Variants in MYH11 observed in about 807,000 individuals in gnomAD.
The protein encoded by MYH11 is myosin-11.
MYH11 carries 80 observed loss-of-function variants against 246.6 expected under a neutral mutation model. The ratio of observed to expected loss-of-function variants is 0.32; its 90% CI spans 0.27 to 0.39. The LOEUF (loss-of-function observed/expected upper bound fraction) is 0.39. Ranked by LOEUF, MYH11 falls within the 10% of genes least tolerant of loss-of-function variation. MYH11 has a pLI of 1.00. For missense variants in MYH11, 2,158 were observed against 2,546.8 expected (o/e 0.85, Z 3.29); for synonymous variants, 1,071 against 1,015.5 (o/e 1.05, Z -1.04).
At chr16:15,717,866 T>G (rs1431842251) in intron 37 of MYH11, 1 of 262,700 alleles carries the variant, frequency 3.8e-6, no homozygotes, top group Non-Finnish European at 7.4e-6. Context: ...TTGCTTTCTC[T>G]GTCCTGGAGT....
chr16:15,757,967 T>C lies in MYH11; in HGVS notation c.1435A>G (p.Thr479Ala). The change falls in exon 13 of 41, where the codon ACC (threonine) becomes GCC (alanine). Residue 479 changes from threonine (T) to alanine (A), a missense_variant. Coordinates refer to ENST00000300036, the MANE Select transcript of MYH11 (RefSeq NM_002474.3). Reference sequence around the variant, plus strand: ...AAGAGCTGCTGCAGCTTCTCGTTGGTGTAGTTGATGCACAGCTGCTCGAAG... The same window carrying C: ...AAGAGCTGCTGCAGCTTCTCGTTGGCGTAGTTGATGCACAGCTGCTCGAAG... The part of the protein sequence containing the change: ...NSFEQLCINY[T>A]NEKLQQLFNH... 1.2e-6 allele frequency: 2 copies of C among 1,614,120 alleles called. No homozygotes were observed. The highest frequency in any genetic ancestry group is 1.7e-6 in the Non-Finnish European group (2 of 1,180,026).
rs4781689 is a variant in MYH11, at chr16:15,771,615, G to C, written c.987C>G (p.Thr329=). 1 of 1,613,574 alleles carries C rather than the reference G, an allele frequency of 6.2e-7. No individual in the cohort carries two copies. The highest frequency in any genetic ancestry group is 1.3e-5 in the African/African-American group (1 of 74,806). The change falls in exon 9 of 41, where the codon ACC becomes ACG. Residue 329 remains threonine, a synonymous_variant. Coordinates refer to ENST00000300036, the MANE Select transcript of MYH11 (RefSeq NM_002474.3). ...AAQDDEMFQE[T]VEAMAIMGFS... ...AACCCATGATTGCCATGGCCTCCAC[G>C]GTTTCCTGGAACATCTCATCATCCT...
At chr16:15,721,694 G>C in intron 31 of MYH11, 60 bp from the exon 32 acceptor site, 1 of 1,568,242 alleles carries the variant, frequency 6.4e-7, no homozygotes, top group Admixed American at 1.7e-5. Context: ...TCACTGAATT[G>C]TAAATACCGG....
intron 15 of MYH11, among the ~76,000 whole-genome samples, chr16:15,752,083 T>A (rs539702574): frequency 6.6e-6 from 1 of 152,004 alleles, no homozygotes; most frequent in Admixed American, 6.6e-5. Context: ...TGAGCCACCA[T>A]GCGCAGCCTC....
chr16:15,739,131 ACT>A (rs2041202443), intron 23 of MYH11, among the ~76,000 whole-genome samples: 1 of 147,898 alleles, frequency 6.8e-6, no homozygotes, highest in African/African-American at 2.5e-5. Context: ...ACAGAGTCTC[ACT>A]CTGTCGCCCA....
intron 2 of MYH11, among the ~76,000 whole-genome samples, chr16:15,834,535 A>C (rs2043838709): frequency 6.9e-6 from 1 of 144,400 alleles, no homozygotes; most frequent in Non-Finnish European, 1.5e-5. Flanking sequence ...TCAAAAAAAA[A>C]AAAAAGAAGA....
chr16:15,743,444 C>T (rs187162308), intron 20 of MYH11, among the ~76,000 whole-genome samples: 7 of 152,336 alleles, frequency 4.6e-5, no homozygotes, highest in Non-Finnish European at 8.8e-5. Flanking sequence ...GCTGGGATTA[C>T]AGGCATGAGC....
chr16:15,738,609 G>C lies in MYH11; in HGVS notation c.3077C>G (p.Thr1026Ser). 1 of 1,614,022 alleles carries C rather than the reference G, an allele frequency of 6.2e-7. No homozygotes were observed. Among genetic ancestry groups the C allele is most frequent in the Non-Finnish European group, 8.5e-7 (1 of 1,179,978 alleles). ...AGATTCATGCTTGTTTTTCAGCTTG[G>C]TAAGATTCTTGGCCTTTTCTTCCTC... ...AEEEEKAKNL[T>S]KLKNKHESMI... Residue 1026 changes from threonine to serine, a missense_variant, in exon 24 of 41, where the codon ACC becomes AGC. By Grantham distance (58) the Thr-to-Ser change is moderately conservative. Around this residue, in one of 11 missense-constraint regions of MYH11, gnomAD observed 284 missense variants for 315.4 expected, o/e 0.90. Coordinates refer to ENST00000300036, the MANE Select transcript of MYH11 (RefSeq NM_002474.3).
intron 2 of MYH11, among the ~76,000 whole-genome samples, chr16:15,835,408 T>G (rs1472632028): frequency 1.3e-5 from 2 of 152,208 alleles, no homozygotes; most frequent in Non-Finnish European, 2.9e-5. Context: ...CTAATTTTTC[T>G]GTTTTGTGTT....
chr16:15,714,858 G>A, intron 40 of MYH11, 51 bp downstream of exon 40: 2 of 1,608,678 alleles, frequency 1.2e-6, no homozygotes, highest in Non-Finnish European at 8.5e-7. Flanking sequence ...AGCCCCCAGT[G>A]CTTTTCTCTG....
At chr16:15,798,777 T>A in intron 3 of MYH11, 90 bp from the exon 4 acceptor site, 2 of 1,323,802 alleles carry the variant, frequency 1.5e-6, no homozygotes, top group Non-Finnish European at 2.1e-6. Flanking sequence ...GCCCTCCCAT[T>A]CTAAAGCTTC....
At chr16:15,830,111 G>A (rs2043693630) in intron 2 of MYH11, among the ~76,000 whole-genome samples, 1 of 149,204 alleles carries the variant, frequency 6.7e-6, no homozygotes, top group Non-Finnish European at 1.5e-5. Context: ...CTCCAGCCTG[G>A]GTGATACAGC....
At chr16:15,710,181 C>T (rs966249464) in intron 40 of MYH11, among the ~76,000 whole-genome samples, 1 of 152,174 alleles carries the variant, frequency 6.6e-6, no homozygotes, top group African/African-American at 2.4e-5. Flanking sequence ...CAAGAAGGCT[C>T]AAGTGTCTGG....
rs112170838 is a variant in MYH11 at position 15,724,158 on chromosome 16, T to C, written c.4365+3A>G. The stretch of plus-strand genomic sequence containing the variant: ...AGAGTGGGGGACACCCCACGCCCTC[T>C]ACCTGATCAAATTTCCTCTGCTTCT... On this transcript the variant is annotated splice_donor_region_variant and intron_variant, in intron 31 of 40. Transcript: ENST00000300036. The C allele has an allele frequency of 6.2e-7, 1 of 1,613,208 alleles. No individual in the cohort carries two copies. The highest frequency in any genetic ancestry group is 2.2e-5 in the East Asian group (1 of 44,886).
intron 2 of MYH11, among the ~76,000 whole-genome samples, chr16:15,837,326 T>C (rs980088846): frequency 1.3e-5 from 2 of 152,204 alleles, no homozygotes; most frequent in East Asian, 3.9e-4. Context: ...GTTGAGAGTT[T>C]ATCATACGTC....
intron 7 of MYH11, among the ~76,000 whole-genome samples, chr16:15,777,601 G>A (rs2042255157): frequency 6.6e-6 from 1 of 152,140 alleles, no homozygotes; most frequent in Non-Finnish European, 1.5e-5. Flanking sequence ...AGGACAAGAG[G>A]GCCCTGGCTC....
intron 2 of MYH11, among the ~76,000 whole-genome samples, chr16:15,837,538 CT>C (rs11371178): frequency 3.4e-4 from 47 of 137,218 alleles, no homozygotes; most frequent in South Asian, 4.6e-4. Context: ...CTCCCATTTC[CT>C]TTTTTTTTTT....
chr16:15,719,205 C>A lies in MYH11; in HGVS notation c.5171+15G>T. ...CCTCTGCTTCAGAGCCCTCTTCCTC[C>A]ATTCAGTTTCCTACCTTCCCGACAG... On this transcript the variant is annotated intron_variant, in intron 36 of 40. Coordinates refer to ENST00000300036, the MANE Select transcript of MYH11 (RefSeq NM_002474.3). 6.2e-7 allele frequency: 1 copy of A among 1,612,140 alleles called. No individual in the cohort carries two copies. The highest frequency in any genetic ancestry group is 8.5e-7 in the Non-Finnish European group (1 of 1,178,732).
At chr16:15,817,003 G>A (rs979929032) in intron 3 of MYH11, among the ~76,000 whole-genome samples, 4 of 152,084 alleles carry the variant, frequency 2.6e-5, no homozygotes, top group African/African-American at 7.2e-5. Context: ...GTATATATAT[G>A]GAATGCTAGT....
Sources: gnomAD v4.1 joint callset for allele counts (sites outside exome capture counted in the v4.1 genomes callset) on GRCh38, gnomAD v4.1.1 for gene constraint, gnomAD v4.1.1 regional missense constraint, MANE v1.5 for transcripts, NCBI Gene and HGNC (gene_info 2026-07-23, HGNC 2026-07-21) for gene names.